Variants in ENOX2 observed in about 807,000 individuals in gnomAD.
ENOX2 encodes ecto-NOX disulfide-thiol exchanger 2.
ENOX2 carries 36 observed loss-of-function variants against 45.0 expected under a neutral mutation model. That is an observed-to-expected ratio of 0.80 (90% CI 0.61 to 1.06). ENOX2 has a LOEUF of 1.06. ENOX2 is among the 50% of genes least tolerant of loss of function. The pLI is 0.00. For missense variants in ENOX2, 423 were observed against 462.5 expected (o/e 0.91, Z 0.78); for synonymous variants, 174 against 152.3 (o/e 1.14, Z -1.05).
At chrX:130,812,380 C>T (rs918653037) in intron 2 of ENOX2, among the ~76,000 whole-genome samples, 2 of 111,636 alleles carry the variant, frequency 1.8e-5, no homozygotes, top group African/African-American at 3.3e-5. Flanking sequence ...TCAGCAGAAA[C>T]GTTACAGGCC....
At chrX:130,726,550 T>C (rs1036025724) in intron 3 of ENOX2, among the ~76,000 whole-genome samples, 1 of 112,588 alleles carries the variant, frequency 8.9e-6, no homozygotes, top group Non-Finnish European at 1.9e-5. Context: ...CGAGTACAAA[T>C]GGCTGCTTGT....
chrX:130,876,942 G>A (rs2078715595), intron 2 of ENOX2, among the ~76,000 whole-genome samples: 2 of 111,891 alleles, frequency 1.8e-5, no homozygotes, highest in African/African-American at 6.5e-5. Context: ...AAACTGGATT[G>A]ACCACTTGAG....
At chrX:130,631,091 C>G (rs1171095175) in intron 13 of ENOX2, among the ~76,000 whole-genome samples, 7 of 111,462 alleles carry the variant, frequency 6.3e-5, no homozygotes, top group African/African-American at 2.3e-4. Flanking sequence ...CAGAGGCTCT[C>G]TGGAAAAGCT....
chrX:130,821,086 T>G (rs1272781099), intron 2 of ENOX2, among the ~76,000 whole-genome samples: 1 of 112,258 alleles, frequency 8.9e-6, no homozygotes, highest in Non-Finnish European at 1.9e-5. Flanking sequence ...ATTTGTTAAT[T>G]AAAAATAAAA....
chrX:130,732,927 GA>G (rs1397030702), intron 3 of ENOX2, among the ~76,000 whole-genome samples: 1 of 111,794 alleles, frequency 8.9e-6, no homozygotes, highest in African/African-American at 3.2e-5. Flanking sequence ...ACTCCTAGAT[GA>G]AAACAGGGGG....
chrX:130,654,487 G>C (rs1443911223), intron 10 of ENOX2, among the ~76,000 whole-genome samples: 3 of 110,806 alleles, frequency 2.7e-5, no homozygotes, highest in African/African-American at 6.5e-5. Context: ...CGTTGCTTAA[G>C]CTTTTAATTG....
At chrX:130,670,957 C>G (rs763671031) in intron 6 of ENOX2, among the ~76,000 whole-genome samples, 1 of 111,462 alleles carries the variant, frequency 9.0e-6, no homozygotes, top group Non-Finnish European at 1.9e-5. Context: ...AAGAGCTCAG[C>G]TAGATACTTC....
chrX:130,640,225 G>A (rs2036043309), intron 10 of ENOX2, among the ~76,000 whole-genome samples: 1 of 111,909 alleles, frequency 8.9e-6, no homozygotes, highest in Admixed American at 9.5e-5. Context: ...GAATTTTGGA[G>A]GATACATACA....
intron 2 of ENOX2, among the ~76,000 whole-genome samples, chrX:130,865,561 C>T (rs2078481726): frequency 8.9e-6 from 1 of 112,268 alleles, no homozygotes; most frequent in Non-Finnish European, 1.9e-5. Context: ...AAACTTTCAG[C>T]ATCACTAGCT....
chrX:130,746,434 A>T (rs2039099046), intron 3 of ENOX2, among the ~76,000 whole-genome samples: 1 of 111,706 alleles, frequency 9.0e-6, no homozygotes, highest in African/African-American at 3.3e-5. Flanking sequence ...GCCTTCTCTT[A>T]TACTTTAGTT....
At chrX:130,873,530 A>C (rs1044623710) in intron 2 of ENOX2, among the ~76,000 whole-genome samples, 32 of 111,872 alleles carry the variant, frequency 2.9e-4, no homozygotes, top group African/African-American at 9.7e-4. Context: ...TTGACCCAGC[A>C]ATCCCATTAC....
chrX:130,887,647 G>A (rs757679077), intron 2 of ENOX2, among the ~76,000 whole-genome samples: 2 of 111,766 alleles, frequency 1.8e-5, no homozygotes, highest in South Asian at 3.8e-4. Context: ...ATTGGGAGTG[G>A]AGGGGGTGGG....
In ENOX2 at chrX:130,802,696, C is replaced by T. The variant is rs930267493; in HGVS notation, c.-182-19006G>A. Among the ~76,000 whole-genome samples the T allele has an allele frequency of 3.6e-5, 4 of 111,855 alleles. No homozygotes were observed. The South Asian group carries it at 1.1e-3, about 31-fold the overall frequency. ...CTTCTCTATTAGGGGTCCTAGTCAA[C>T]AGGAGAGTTGCATTTTTAATAATTA... On this transcript the variant is annotated intron_variant, in intron 2 of 14. Transcript: ENST00000394363.
chrX:130,629,353 G>A (rs1286832468), intron 13 of ENOX2, among the ~76,000 whole-genome samples: 6 of 112,608 alleles, frequency 5.3e-5, no homozygotes, highest in Non-Finnish European at 9.4e-5. Flanking sequence ...CGATTTTGTG[G>A]GTTCACACCC....
rs181460981 is a variant in ENOX2 at position 130,635,220 on chromosome X, A to G, written c.1312-129T>C. ...CTCCAGCACACACGACCATTTTTCC[A>G]TAAAGAGATTGGGCAAATCAAGATA... On this transcript the variant is annotated intron_variant, in intron 11 of 14. Transcript: ENST00000394363. 1.2e-4 allele frequency: 46 copies of G among 390,831 alleles called. No homozygotes were observed. In the East Asian group the frequency reaches 1.9e-3, roughly 16 times the overall value. The allele number at this position is 390,831 out of a possible 1,213,427, so 32.2% of individuals were successfully genotyped here. A position where few individuals can be genotyped will look rare whatever the true frequency, so the allele number is the denominator to read the frequency against.
chrX:130,723,781 A>G (rs1363414051), intron 3 of ENOX2, among the ~76,000 whole-genome samples: 1 of 111,774 alleles, frequency 8.9e-6, no homozygotes, highest in Non-Finnish European at 1.9e-5. Flanking sequence ...TACCATAGAA[A>G]GTATTCTGAC....
chrX:130,761,541 A>G (rs986391262), intron 3 of ENOX2, among the ~76,000 whole-genome samples: 2 of 111,902 alleles, frequency 1.8e-5, no homozygotes, highest in Non-Finnish European at 1.9e-5. Flanking sequence ...TAATTTATAA[A>G]GGAAAGAAGT....
At chrX:130,902,646 G>A (rs950256209) in intron 1 of ENOX2, among the ~76,000 whole-genome samples, 1 of 108,812 alleles carries the variant, frequency 9.2e-6, no homozygotes, top group Non-Finnish European at 1.9e-5. Flanking sequence ...ACAAATTGAG[G>A]GAAAAGAGGA....
At chrX:130,813,676 G>A (rs946844985) in intron 2 of ENOX2, among the ~76,000 whole-genome samples, 19 of 111,811 alleles carry the variant, frequency 1.7e-4, no homozygotes, top group African/African-American at 5.9e-4. Flanking sequence ...CTAGCCAAGG[G>A]AAGCCATGAG....
Sources: allele counts gnomAD v4.1 joint callset (sites outside exome capture counted in the v4.1 genomes callset), GRCh38; gene constraint gnomAD v4.1.1; transcripts MANE v1.5; gene names NCBI Gene and HGNC (gene_info 2026-07-23, HGNC 2026-07-21).